SGPP2: variants seen among roughly 807,000 people sequenced by gnomAD.
SGPP2 encodes sphingosine-1-phosphate phosphatase 2, also known as sphingosine 1-phosphate phosphohydrolase 2.
In SGPP2, 30 loss-of-function variants were observed where a neutral mutation model predicts 33.9. The observed-to-expected ratio is 0.89, with a 90% CI of 0.66 to 1.20. SGPP2 has a LOEUF of 1.20. SGPP2 is among the 50% of genes most tolerant of loss of function. The pLI is 0.00. For missense variants in SGPP2, 458 were observed against 532.1 expected (o/e 0.86, Z 1.37); for synonymous variants, 233 against 225.0 (o/e 1.04, Z -0.32).
chr2:222,467,201 C>T (rs7604173), intron 1 of SGPP2, among the ~76,000 whole-genome samples: 60,154 of 151,958 alleles, frequency 0.4, 11,911 homozygotes, highest in Middle Eastern at 0.46. Flanking sequence ...AGAAGTCTCT[C>T]CCCTGCCCCA....
intron 4 of SGPP2, among the ~76,000 whole-genome samples, chr2:222,535,998 G>A (rs1276923824): frequency 3.9e-5 from 6 of 152,226 alleles, no homozygotes; most frequent in Admixed American, 6.5e-5. Context: ...CACATTTAGG[G>A]ACAGCATGGA....
rs1698527761 is a variant in SGPP2, at chr2:222,511,515, G to A, written c.379-10252G>A. On this transcript the variant is annotated intron_variant, in intron 2 of 4. Coordinates refer to ENST00000321276, the MANE Select transcript of SGPP2 (RefSeq NM_152386.4). ...TTGCTTTCATGCACAGGACTTTAGG[G>A]CCTCAACCCAAAGAAGTATGATGGA... Among the ~76,000 whole-genome samples the A allele has an allele frequency of 2.0e-5, 3 of 152,200 alleles. No homozygotes were observed. In the South Asian group the frequency reaches 6.2e-4, roughly 32 times the overall value.
At chr2:222,531,324 T>C (rs1698835684) in intron 4 of SGPP2, among the ~76,000 whole-genome samples, 1 of 152,162 alleles carries the variant, frequency 6.6e-6, no homozygotes, top group African/African-American at 2.4e-5. Flanking sequence ...CCTGTCCACA[T>C]ACGATGGAGT....
At position 222,521,809 on chromosome 2, in the gene SGPP2, T is replaced by C. The variant is rs763111375; in HGVS notation, c.421T>C (p.Trp141Arg). ...IGQVAKDVLKWPRPSSPPVVK... is the reference protein window; with the variant it reads ...IGQVAKDVLKRPRPSSPPVVK... ...CCAAGTGGCCAAGGATGTCTTGAAGTGGCCCCGTCCCTCCTCCCCTCCAGT... is the reference window on the plus strand; with the variant it reads ...CCAAGTGGCCAAGGATGTCTTGAAGCGGCCCCGTCCCTCCTCCCCTCCAGT... Residue 141 changes from tryptophan (W) to arginine (R), a missense_variant, in exon 3 of 5, where the codon TGG (tryptophan) becomes CGG (arginine). Trp to Arg is a moderately radical substitution (Grantham distance 101). Transcript: ENST00000321276. 6.2e-7 allele frequency: 1 copy of C among 1,610,110 alleles called. No individual in the cohort carries two copies.
chr2:222,521,305 G>A (rs1387167642), intron 2 of SGPP2, among the ~76,000 whole-genome samples: 1 of 152,228 alleles, frequency 6.6e-6, no homozygotes, highest in African/African-American at 2.4e-5. Context: ...GTAGCATCGT[G>A]TGGTAGTTTA....
chr2:222,434,897 A>G (rs1697211129), intron 1 of SGPP2, among the ~76,000 whole-genome samples: 1 of 151,840 alleles, frequency 6.6e-6, no homozygotes, highest in African/African-American at 2.4e-5. Context: ...AGCTTGACAA[A>G]TGGAAGGAGC....
intron 1 of SGPP2, among the ~76,000 whole-genome samples, chr2:222,457,919 C>G (rs62186120): frequency 6.6e-6 from 1 of 152,192 alleles, no homozygotes; most frequent in Non-Finnish European, 1.5e-5. Context: ...CATCTTCTCT[C>G]GCTTCATAGG....
At chr2:222,442,583 G>A (rs984757965) in intron 1 of SGPP2, among the ~76,000 whole-genome samples, 1 of 152,130 alleles carries the variant, frequency 6.6e-6, no homozygotes, top group Non-Finnish European at 1.5e-5. Context: ...TTAGATACCA[G>A]TATCATAAAA....
intron 1 of SGPP2, among the ~76,000 whole-genome samples, chr2:222,439,435 GAC>G (rs1697292797): frequency 6.6e-6 from 1 of 152,112 alleles, no homozygotes; most frequent in Admixed American, 6.5e-5. Flanking sequence ...GGGAGGCTGA[GAC>G]ACGAGAATCA....
At chr2:222,451,153 A>C (rs1026706621) in intron 1 of SGPP2, among the ~76,000 whole-genome samples, 2 of 152,042 alleles carry the variant, frequency 1.3e-5, no homozygotes, top group Admixed American at 6.5e-5. Context: ...AAAAAAAAAA[A>C]AAACTGCAAT....
At position 222,558,517 on chromosome 2, in the gene SGPP2, C is replaced by G. The variant is rs572945908; in HGVS notation, c.819C>G (p.Thr273=). 6.2e-7 allele frequency: 1 copy of G among 1,614,178 alleles called. No homozygotes were observed. The highest frequency in any genetic ancestry group is 1.3e-5 in the African/African-American group (1 of 75,048). Residue 273 remains threonine (T), a synonymous_variant, in exon 5 of 5, where the codon ACC becomes ACG. Coordinates refer to ENST00000321276, the MANE Select transcript of SGPP2 (RefSeq NM_152386.4). ...CTGTTTCTGATTACTACAGCCCAAC[C>G]CGGGCGGACACCACCACCATTCTGG... ...NYPVSDYYSP[T]RADTTTILAA... is the part of the protein sequence containing the mutation.
chr2:222,471,783 T>C (rs905876894), intron 1 of SGPP2, among the ~76,000 whole-genome samples: 1 of 152,238 alleles, frequency 6.6e-6, no homozygotes, highest in African/African-American at 2.4e-5. Context: ...TTTTCTCTCC[T>C]ATTTTAGTGT....
chr2:222,481,431 G>A (rs933740025), intron 2 of SGPP2, among the ~76,000 whole-genome samples: 2 of 152,088 alleles, frequency 1.3e-5, no homozygotes, highest in South Asian at 2.1e-4. Flanking sequence ...AGTTGTTAAC[G>A]TAGAATGATA....
At chr2:222,457,908 G>T (rs898581939) in intron 1 of SGPP2, among the ~76,000 whole-genome samples, 2 of 152,226 alleles carry the variant, frequency 1.3e-5, no homozygotes, top group Admixed American at 1.3e-4. Flanking sequence ...AGAGAATTGA[G>T]CATCTTCTCT....
At chr2:222,491,161 G>A (rs977886618) in intron 2 of SGPP2, among the ~76,000 whole-genome samples, 1 of 151,640 alleles carries the variant, frequency 6.6e-6, no homozygotes, top group African/African-American at 2.4e-5. Context: ...TTGAAACAGA[G>A]TCTTGATCTG....
chr2:222,522,569 T>C (rs563711382), intron 3 of SGPP2, among the ~76,000 whole-genome samples: 1 of 152,390 alleles, frequency 6.6e-6, no homozygotes, highest in East Asian at 1.9e-4. Context: ...TAAACAGTTA[T>C]ATTATTACAG....
intron 1 of SGPP2, among the ~76,000 whole-genome samples, chr2:222,455,779 G>A (rs1441139657): frequency 1.3e-5 from 2 of 152,092 alleles, no homozygotes; most frequent in South Asian, 4.2e-4. Flanking sequence ...TGTAAAACTC[G>A]GCTAGGTGCA....
chr2:222,511,640 T>C (rs891067502), intron 2 of SGPP2, among the ~76,000 whole-genome samples: 11 of 152,232 alleles, frequency 7.2e-5, no homozygotes, highest in Admixed American at 2.6e-4. Context: ...TTAATCGTTA[T>C]ACTCTTTAAC....
intron 1 of SGPP2, among the ~76,000 whole-genome samples, chr2:222,433,049 A>G (rs1234447856): frequency 3.7e-5 from 5 of 133,544 alleles, no homozygotes; most frequent in East Asian, 4.7e-4. Flanking sequence ...GAAAGAAAGA[A>G]AGAGAGAGAA....
Sources: gnomAD v4.1 joint callset for allele counts (sites outside exome capture counted in the v4.1 genomes callset) on GRCh38, gnomAD v4.1.1 for gene constraint, MANE v1.5 for transcripts, NCBI Gene and HGNC (gene_info 2026-07-23, HGNC 2026-07-21) for gene names.